The following CANX variants were observed in gnomAD, a reference collection of about 807,000 sequenced individuals.
CANX encodes the protein calnexin, also known as epididymis secretory sperm binding protein.
Under a neutral mutation model 75.7 loss-of-function variants are expected in CANX, and 14 were observed. That is an observed-to-expected ratio of 0.19 (90% CI 0.12 to 0.29). The LOEUF (loss-of-function observed/expected upper bound fraction) is 0.29. CANX is among the 10% of genes least tolerant of loss of function. The probability of loss-of-function intolerance (pLI) is 1.00; values close to 1 mark genes in which losing one functional copy is unlikely to be tolerated. For missense variants in CANX, 567 were observed against 713.2 expected (o/e 0.79, Z 2.34); for synonymous variants, 227 against 236.9 (o/e 0.96, Z 0.38).
chr5:179,696,216 CCTG>C (rs1776399331), upstream of CANX, among the ~76,000 whole-genome samples: 1 of 151,202 alleles, frequency 6.6e-6, no homozygotes, highest in Non-Finnish European at 1.5e-5. Flanking sequence ...CCTCACCCGG[CCTG>C]ATTCTTTGTT....
chr5:179,723,564 G>T (rs146328682), intron 11 of CANX, 96 bp from the exon 12 acceptor site: 6 of 1,261,128 alleles, frequency 4.8e-6, no homozygotes, highest in East Asian at 2.4e-5. Context: ...AAGGTCCTGC[G>T]TAGTGCCATG....
Position 179,710,028 on chromosome 5 carries a change from C to A in CANX, c.684C>A (p.Thr228=). The A allele has an allele frequency of 3.1e-6, 5 of 1,608,542 alleles. No homozygotes were observed. The highest frequency in any genetic ancestry group is 4.2e-6 in the Non-Finnish European group (5 of 1,177,202). Residue 228 remains threonine, a synonymous_variant, in exon 7 of 15, where the codon ACC becomes ACA. Transcript: ENST00000247461. ...HAKRPDADLK[T]YFTDKKTHLY... ...AGAGGCCAGATGCAGATCTGAAGAC[C>A]TATTTTACTGATAAGAAAACACATC...
intron 10 of CANX, 50 bp from the exon 11 acceptor site, chr5:179,722,753 CT>C: frequency 7.5e-7 from 1 of 1,326,032 alleles, no homozygotes; most frequent in East Asian, 2.3e-5. Flanking sequence ...TCACCATAAA[CT>C]TTTGTTGATC....
chr5:179,719,832 T>G (rs540689212), intron 9 of CANX, 51 bp downstream of exon 9: 11 of 1,061,168 alleles, frequency 1.0e-5, no homozygotes, highest in South Asian at 1.4e-5. Flanking sequence ...TTGTTTGTTT[T>G]TTTTTTTGAG....
intron 1 of CANX, among the ~76,000 whole-genome samples, chr5:179,681,586 G>A (rs965467313): frequency 2.6e-5 from 4 of 152,098 alleles, no homozygotes; most frequent in Admixed American, 6.6e-5. Context: ...AAGGGAGCCC[G>A]TCTTTTGTAC....
At chr5:179,720,678 A>G in intron 10 of CANX, 118 bp downstream of exon 10, 2 of 871,420 alleles carry the variant, frequency 2.3e-6, no homozygotes, top group Non-Finnish European at 1.8e-6. Context: ...AATTAAAAGC[A>G]GAAAGTAGAC....
In CANX at chr5:179,720,768, CTTTATTTA is replaced by C. The variant is rs61478624; in HGVS notation, c.1182+232_1182+239del. 1.5e-4 allele frequency among the ~76,000 whole-genome samples: 22 copies of C among 151,576 alleles called. No individual in the cohort carries two copies. In the South Asian group the frequency reaches 1.9e-3, roughly 13 times the overall value. On this transcript the variant is annotated intron_variant, in intron 10 of 14. Transcript: ENST00000247461. ...AACTGGAGTGAATAACTTTCTTTAA[CTTTATTTA>C]TTTATTTATTTATTTATTTATTTTT...
chr5:179,681,317 ACTAACAAGATAGTCTCTCAGGAAG>A (rs1448813936), intron 1 of CANX, among the ~76,000 whole-genome samples: 1 of 152,188 alleles, frequency 6.6e-6, no homozygotes, highest in Non-Finnish European at 1.5e-5. Context: ...TTCTAGGGGA[ACTAACAAGATAGTCTCTCAGGAAG>A]CTAACAGAGC....
chr5:179,681,294 A>T (rs1776058743), intron 1 of CANX, among the ~76,000 whole-genome samples: 1 of 152,192 alleles, frequency 6.6e-6, no homozygotes, highest in African/African-American at 2.4e-5. Flanking sequence ...GCAGAGTCCA[A>T]GACAGGAATT....
At chr5:179,725,189 C>CTGTT (rs144383488) in intron 13 of CANX, among the ~76,000 whole-genome samples, 5,790 of 151,986 alleles carry the variant, frequency 0.038, 378 homozygotes, top group African/African-American at 0.13. Context: ...CCATGCTCAG[C>CTGTT]TGTTTGTTTG....
intron 5 of CANX, 54 bp downstream of exon 5, chr5:179,708,434 A>T (rs1270116735): frequency 1.3e-6 from 2 of 1,499,804 alleles, no homozygotes; most frequent in Admixed American, 3.8e-5. Flanking sequence ...ATCTTAGAAG[A>T]CATTATGTAA....
intron 7 of CANX, among the ~76,000 whole-genome samples, chr5:179,713,335 G>A (rs1017625307): frequency 1.3e-5 from 2 of 152,120 alleles, no homozygotes; most frequent in Non-Finnish European, 2.9e-5. Context: ...GCCTCCCAAA[G>A]TGCTAGGATT....
chr5:179,699,147 C>CG, intron 1 of CANX, 45 bp downstream of exon 1: 8 of 984,382 alleles, frequency 8.1e-6, no homozygotes, highest in Non-Finnish European at 9.7e-6. Context: ...GTGAGGACCT[C>CG]GGGGGGCTGG....
chr5:179,723,472 A>G (rs2113264711), intron 11 of CANX, 188 bp from the exon 12 acceptor site: 1 of 544,536 alleles, frequency 1.8e-6, no homozygotes, highest in South Asian at 3.0e-5. Context: ...GAGTGAAATC[A>G]TCTTGATTAT....
intron 13 of CANX, 139 bp downstream of exon 13, chr5:179,724,922 C>A: frequency 8.2e-7 from 1 of 1,224,006 alleles, no homozygotes; most frequent in Non-Finnish European, 1.1e-6. Flanking sequence ...GAGGTTGAAG[C>A]AGGAAAATCA....
rs1284646382 is a variant in CANX at position 179,710,364 on chromosome 5, C to T, written c.721+299C>T. Among the ~76,000 whole-genome samples, 16 of 142,448 alleles carry T rather than the reference C, an allele frequency of 1.1e-4. No individual in the cohort carries two copies. The East Asian group carries it at 3.0e-3, about 27-fold the overall frequency. The allele number at this position is 142,448 out of a possible 152,430, so 93.5% of individuals were successfully genotyped here. A position where few individuals can be genotyped will look rare whatever the true frequency, so the allele number is the denominator to read the frequency against. On this transcript the variant is annotated intron_variant, in intron 7 of 14. Coordinates refer to ENST00000247461, the MANE Select transcript of CANX (RefSeq NM_001746.4). The stretch of plus-strand genomic sequence containing the variant: ...CTTGAACCTGGGAGGGAGCCAAGAT[C>T]ATTGTGCCACAGCATTCCAGCCTGG...
At chr5:179,688,976 T>G (rs1776245118) in intron 1 of CANX, among the ~76,000 whole-genome samples, 1 of 151,694 alleles carries the variant, frequency 6.6e-6, no homozygotes, top group African/African-American at 2.4e-5. Flanking sequence ...AGGCCGGGTG[T>G]GGTGGCTCAT....
chr5:179,678,711 C>A, exon 1 of CANX: 1 of 1,536,984 alleles, frequency 6.5e-7, no homozygotes. Context: ...CGCTGCTTCT[C>A]CAGCAAGTGC....
intron 13 of CANX, among the ~76,000 whole-genome samples, chr5:179,725,525 C>T (rs1778594114): frequency 1.3e-5 from 2 of 149,240 alleles, no homozygotes; most frequent in Non-Finnish European, 3.0e-5. Context: ...ACTAAAAATA[C>T]AAAAATTAGC....
Sources: gnomAD v4.1 joint callset for allele counts (sites outside exome capture counted in the v4.1 genomes callset) on GRCh38, gnomAD v4.1.1 for gene constraint, MANE v1.5 for transcripts, NCBI Gene and HGNC (gene_info 2026-07-23, HGNC 2026-07-21) for gene names.